Variants in ARAP1 observed in about 807,000 individuals in gnomAD.
ARAP1 encodes the protein ArfGAP with RhoGAP domain, ankyrin repeat and PH domain 1, also known as arf-GAP with Rho-GAP domain, ANK repeat and PH domain-containing protein 1.
Under a neutral mutation model 172.2 loss-of-function variants are expected in ARAP1, and 76 were observed. The ratio of observed to expected loss-of-function variants is 0.44; its 90% CI spans 0.37 to 0.53. The LOEUF (loss-of-function observed/expected upper bound fraction) is 0.53. Among genes scored for constraint, ARAP1 ranks in the 20% least tolerant of loss-of-function variants. ARAP1 has a pLI of 0.00. For missense variants in ARAP1, 1,686 were observed against 1,977.5 expected, an observed-to-expected ratio of 0.85 and a Z score of 2.80; for synonymous variants, 804 against 803.3, an observed-to-expected ratio of 1.00 and a Z score of -0.01.
In ARAP1 at chr11:72,685,338, GA is replaced by G; in HGVS notation, c.*325del. The G allele has an allele frequency of 2.4e-6, 1 of 409,664 alleles. No individual in the cohort carries two copies. Among genetic ancestry groups the G allele is most frequent in the South Asian group, 2.9e-5 (1 of 34,020 alleles). The allele number at this position is 409,664 out of a possible 1,614,324, so 25.4% of individuals were successfully genotyped here. The stretch of plus-strand genomic sequence containing the variant: ...CAGGGCCCCAGGGCCTCACGCCTCT[GA>G]AAGGGTGGTGGTCCTCCCAAGTTCC... On this transcript the variant is annotated 3_prime_UTR_variant, in exon 35 of 35. Transcript: ENST00000393609.
rs1223137802 is a variant in ARAP1 at position 72,731,217 on chromosome 11, T to G, written c.-45+1298A>C. 2.0e-5 allele frequency among the ~76,000 whole-genome samples: 3 copies of G among 152,180 alleles called. No individual in the cohort carries two copies. In the East Asian group the frequency reaches 5.8e-4, roughly 29 times the overall value. On this transcript the variant is annotated intron_variant, in intron 2 of 34. Coordinates refer to ENST00000393609, the MANE Select transcript of ARAP1 (RefSeq NM_001040118.3). ...GCCTGAAGTTCATGGGACCTGAAGCTTACACAATTTAAGTGCCCTCTGATA... is the reference window on the plus strand; with the variant it reads ...GCCTGAAGTTCATGGGACCTGAAGCGTACACAATTTAAGTGCCCTCTGATA...
Position 72,709,948 on chromosome 11 carries a change from A to C in ARAP1, c.1445T>G (p.Phe482Cys). 6.2e-7 allele frequency: 1 copy of C among 1,613,948 alleles called. No homozygotes were observed. Among genetic ancestry groups the C allele is most frequent in the Non-Finnish European group, 8.5e-7 (1 of 1,179,984 alleles). The change falls in exon 11 of 35, where the codon TTC (phenylalanine) becomes TGC (cysteine). Residue 482 changes from phenylalanine (F) to cysteine (C), a missense_variant. Physicochemically the swap from Phe to Cys is radical, Grantham distance 205. Coordinates refer to ENST00000393609, the MANE Select transcript of ARAP1 (RefSeq NM_001040118.3). The part of the protein sequence containing the change: ...EEYHLGIGIT[F>C]IDMSVGNVKE... ...CACGTTGCCCACGCTCATGTCGATG[A>C]AGGTGATGCCAATGCCCAGGTGGTA...
intron 19 of ARAP1, 26 bp downstream of exon 19, chr11:72,697,885 T>C (rs928732789): frequency 2.6e-6 from 4 of 1,542,636 alleles, no homozygotes; most frequent in East Asian, 2.3e-5. Context: ...CCCTGGAGGC[T>C]GGGGGCCCAG....
rs199961470 is a variant in ARAP1 at position 72,692,775 on chromosome 11, G to A, written c.3965C>T (p.Pro1322Leu). 1.3e-4 allele frequency: 212 copies of A among 1,613,570 alleles called. 1 individual carries two copies. The highest frequency in any genetic ancestry group is 4.9e-4 in the Middle Eastern group (3 of 6,084). The stretch of plus-strand genomic sequence containing the variant: ...CACGGTCTCAGGGGCCCCGCTCCAC[G>A]GCCTCTGGCTCTGTTTGATAGAGGA... ...RLYKEVRSQR[P>L]WSGAPETSHR... The change falls in exon 30 of 35, where the codon CCG (proline) becomes CTG (leucine). Residue 1322 changes from proline to leucine, a missense_variant. Physicochemically the swap from Pro to Leu is moderately conservative, Grantham distance 98 (BLOSUM62 -3). This residue lies in a region of ARAP1 where 379 missense variants were observed against 500.1 expected (regional missense o/e 0.76). Coordinates refer to ENST00000393609, the MANE Select transcript of ARAP1 (RefSeq NM_001040118.3).
chr11:72,723,318 A>AATG (rs747170708), intron 3 of ARAP1, among the ~76,000 whole-genome samples: 9 of 151,854 alleles, frequency 5.9e-5, no homozygotes, highest in Non-Finnish European at 1.2e-4. Flanking sequence ...TATTAATAAT[A>AATG]ATGATGATAA....
At chr11:72,717,558 G>A (rs767132044) in intron 3 of ARAP1, among the ~76,000 whole-genome samples, 2 of 152,206 alleles carry the variant, frequency 1.3e-5, no homozygotes, top group African/African-American at 2.4e-5. Context: ...GATCAACTGC[G>A]ACGGGTCTGT....
intron 13 of ARAP1, chr11:72,705,088 G>T (rs993026155): frequency 6.6e-6 from 1 of 152,272 alleles, no homozygotes; most frequent in Non-Finnish European, 1.5e-5. Context: ...CAAACACACC[G>T]TGGGGAGGTG....
chr11:72,731,871 A>G (rs542146105), intron 2 of ARAP1, among the ~76,000 whole-genome samples: 1 of 152,326 alleles, frequency 6.6e-6, no homozygotes, highest in South Asian at 2.1e-4. Context: ...TAAAATTACC[A>G]GCTGGAATTT....
At chr11:72,696,495 TAG>T in intron 23 of ARAP1, 52 bp downstream of exon 23, 1 of 1,381,198 alleles carries the variant, frequency 7.2e-7, no homozygotes, top group Non-Finnish European at 9.7e-7. Flanking sequence ...AGGGTGGGGG[TAG>T]AAGAACCTTC....
chr11:72,717,510 C>G (rs549722861), intron 3 of ARAP1, among the ~76,000 whole-genome samples: 1 of 152,220 alleles, frequency 6.6e-6, no homozygotes, highest in Non-Finnish European at 1.5e-5. Context: ...ATCAGCCCCC[C>G]TCCTCTGGCA....
At chr11:72,734,502 A>C (rs1857954015) in intron 1 of ARAP1, among the ~76,000 whole-genome samples, 1 of 152,242 alleles carries the variant, frequency 6.6e-6, no homozygotes, top group South Asian at 2.1e-4. Flanking sequence ...AGTGCTACTC[A>C]AACGACAATT....
At chr11:72,709,670 CA>C in intron 11 of ARAP1, among the ~76,000 whole-genome samples, 199 bp downstream of exon 11, 1 of 151,916 alleles carries the variant, frequency 6.6e-6, no homozygotes, top group South Asian at 2.1e-4. Flanking sequence ...CCAAGCAGCA[CA>C]GGGGAGAGTA....
In ARAP1 at chr11:72,685,571, C is replaced by A; in HGVS notation, c.*93G>T. The A allele has an allele frequency of 6.4e-7, 1 of 1,557,442 alleles. No individual in the cohort carries two copies. Among genetic ancestry groups the A allele is most frequent in the Admixed American group, 1.7e-5 (1 of 59,598 alleles). ...TGGGGTGCAGTTTCCCATGCACCCC[C>A]CGCTGGCTCACATCAGGCCTTGGAG... is the stretch of plus-strand genomic sequence containing the variant. On this transcript the variant is annotated 3_prime_UTR_variant, in exon 35 of 35. Transcript: ENST00000393609.
chr11:72,734,989 CT>C (rs1031816570), intron 1 of ARAP1, among the ~76,000 whole-genome samples: 9 of 148,414 alleles, frequency 6.1e-5, no homozygotes, highest in Admixed American at 6.7e-5. Flanking sequence ...TAGCTCTCAA[CT>C]TTTTTTTTTA....
At chr11:72,687,843 G>C in intron 31 of ARAP1, 105 bp from the exon 32 acceptor site, 2 of 1,343,982 alleles carry the variant, frequency 1.5e-6, no homozygotes, top group African/African-American at 1.4e-5. Flanking sequence ...GCCAGAGCCA[G>C]AGTTCAGAGC....
intron 3 of ARAP1, among the ~76,000 whole-genome samples, chr11:72,720,340 G>C (rs1857456719): frequency 6.6e-6 from 1 of 152,016 alleles, no homozygotes; most frequent in Non-Finnish European, 1.5e-5. Context: ...CCTCCATCAT[G>C]AGACCCAAAG....
chr11:72,736,815 C>T (rs554277680), intron 1 of ARAP1, among the ~76,000 whole-genome samples: 20 of 152,308 alleles, frequency 1.3e-4, no homozygotes, highest in Middle Eastern at 3.4e-3. Context: ...CTGACGTTTA[C>T]AGACGAAGAA....
chr11:72,694,227 G>A (rs182627052), intron 27 of ARAP1, among the ~76,000 whole-genome samples: 122 of 151,878 alleles, frequency 8.0e-4, no homozygotes, highest in Non-Finnish European at 1.0e-3. Flanking sequence ...CTCCTTGGAC[G>A]AAACCATGGC....
chr11:72,724,543 G>T (rs988488601), intron 3 of ARAP1, among the ~76,000 whole-genome samples: 1 of 152,118 alleles, frequency 6.6e-6, no homozygotes, highest in Non-Finnish European at 1.5e-5. Context: ...CAGGGTCCAT[G>T]TTGGCCCCCA....
Sources: allele counts gnomAD v4.1 joint callset (sites outside exome capture counted in the v4.1 genomes callset), GRCh38; gene constraint gnomAD v4.1.1; regional missense constraint gnomAD v4.1.1; transcripts MANE v1.5; gene names NCBI Gene and HGNC (gene_info 2026-07-23, HGNC 2026-07-21).